Variants in COL5A1 observed in about 807,000 individuals in gnomAD.
COL5A1 encodes collagen alpha-1(V) chain.
COL5A1 carries 16 observed loss-of-function variants against 263.7 expected under a neutral mutation model. The observed-to-expected ratio is 0.06, with a 90% CI of 0.04 to 0.09. The LOEUF (loss-of-function observed/expected upper bound fraction) is 0.09, where lower values mean the gene tolerates loss of function less well. COL5A1 is among the 10% of genes least tolerant of loss of function. COL5A1 has a pLI of 1.00. For missense variants in COL5A1, 2,036 were observed against 2,540.5 expected (o/e 0.80, Z 4.27); for synonymous variants, 1,012 against 1,004.5 (o/e 1.01, Z -0.14).
chr9:134,753,759 T>G, intron 14 of COL5A1, 91 bp from the exon 15 acceptor site: 17 of 540,644 alleles, frequency 3.1e-5, no homozygotes, highest in East Asian at 9.0e-5. Context: ...CCCTGTCCCC[T>G]CCCCCTGCCC....
chr9:134,789,813 C>T lies in COL5A1; in HGVS notation c.2700+605C>T, dbSNP rs1837605985. On this transcript the variant is annotated intron_variant, in intron 32 of 65. Coordinates refer to ENST00000371817, the MANE Select transcript of COL5A1 (RefSeq NM_000093.5). This position sits in a 1 kb window ranked among gnomAD's most constrained non-coding sequence, Gnocchi z 4.8. ...GCCCCCGCTGGCCCAGGCCTCCCTG[C>T]AGGAGCGGTCCTGGATGCTTGTTAG... 6.6e-6 allele frequency among the ~76,000 whole-genome samples: 1 copy of T among 152,208 alleles called. No homozygotes were observed. Among genetic ancestry groups the T allele is most frequent in the Non-Finnish European group, 1.5e-5 (1 of 68,046 alleles).
At chr9:134,812,782 GTGTGTC>G (rs1440069249) in intron 48 of COL5A1, 70 bp downstream of exon 48, 7 of 1,059,904 alleles carry the variant, frequency 6.6e-6, no homozygotes, top group African/African-American at 4.7e-5. Flanking sequence ...GTCTGTGTGT[GTGTGTC>G]TGTGTGTATG....
At chr9:134,790,525 T>C (rs111595272) in intron 32 of COL5A1, among the ~76,000 whole-genome samples, 1 of 74,620 alleles carries the variant, frequency 1.3e-5, no homozygotes, top group Non-Finnish European at 2.5e-5. Context: ...CATTCATCCA[T>C]CCATCCACCC....
At chr9:134,687,733 G>A (rs560385056) in intron 1 of COL5A1, among the ~76,000 whole-genome samples, 3 of 152,190 alleles carry the variant, frequency 2.0e-5, no homozygotes, top group African/African-American at 7.2e-5. Flanking sequence ...TGGGCTGCTC[G>A]GTGGGTCCTC....
At chr9:134,695,970 C>T (rs748977001) in intron 2 of COL5A1, among the ~76,000 whole-genome samples, 1 of 152,114 alleles carries the variant, frequency 6.6e-6, no homozygotes, top group Non-Finnish European at 1.5e-5. Flanking sequence ...TGCCTCGGTG[C>T]CCCTGGATCC....
intron 2 of COL5A1, among the ~76,000 whole-genome samples, chr9:134,693,211 T>G (rs1160935077): frequency 1.3e-5 from 2 of 152,206 alleles, no homozygotes; most frequent in African/African-American, 2.4e-5. Flanking sequence ...CATGTCTGTT[T>G]CCGGCTTTTA....
At chr9:134,649,242 G>A (rs1438365661) in intron 1 of COL5A1, 2 of 322,258 alleles carry the variant, frequency 6.2e-6, no homozygotes, top group African/African-American at 4.4e-5. Context: ...ATGTCAGATA[G>A]TCCGAGCCGT....
chr9:134,822,721 C>G lies in COL5A1; in HGVS notation c.4609-277C>G, dbSNP rs1564484861. On this transcript the variant is annotated intron_variant, in intron 59 of 65. Transcript: ENST00000371817. ...CCAGGACATGCTCTTTTCCGCTGCG[C>G]CCCCCCCGCGGCTGTCTGAGCTGGG... 2.3e-5 allele frequency among the ~76,000 whole-genome samples: 3 copies of G among 132,290 alleles called. No homozygotes were observed. In the South Asian group the frequency reaches 6.7e-4, roughly 30 times the overall value. 86.8% of individuals were successfully genotyped at this position (132,290 alleles called of 152,430 possible).
intron 34 of COL5A1, 61 bp downstream of exon 34, chr9:134,795,376 C>G: frequency 6.9e-7 from 1 of 1,455,502 alleles, no homozygotes; most frequent in Non-Finnish European, 9.6e-7. Context: ...GCTACAGAGA[C>G]GTGGAGCGTC....
In COL5A1 at chr9:134,801,896, A is replaced by G. The variant is rs1380334772; in HGVS notation, c.2953-58A>G. 4 of 1,509,888 alleles carry G rather than the reference A, an allele frequency of 2.6e-6. No homozygotes were observed. The South Asian group carries it at 4.5e-5, about 17-fold the overall frequency. The allele number at this position is 1,509,888 out of a possible 1,614,324, so 93.5% of individuals were successfully genotyped here. A position where few individuals can be genotyped will look rare whatever the true frequency, so the allele number is the denominator to read the frequency against. Reference sequence around the variant, plus strand: ...GCAAGCGTCCTGCTGAGAACAGTGCAGGGCAGGGTGGCGCAGGCCACTGCA... The same window carrying G: ...GCAAGCGTCCTGCTGAGAACAGTGCGGGGCAGGGTGGCGCAGGCCACTGCA... On this transcript the variant is annotated intron_variant, in intron 37 of 65. Transcript: ENST00000371817.
Position 134,813,947 on chromosome 9 carries a change from TCACCGCTGCCATAACCA to T in COL5A1, c.3853-33_3853-17del. ...CGTAGCACTGCGTTCATCGCGGTGCTCACCGCTGCCATAACCACATGCACTGTCTCCCTAGGGCGAGC... is the reference window on the plus strand; with the variant it reads ...CGTAGCACTGCGTTCATCGCGGTGCTCATGCACTGTCTCCCTAGGGCGAGC... On this transcript the variant is annotated intron_variant, in intron 48 of 65. Coordinates refer to ENST00000371817, the MANE Select transcript of COL5A1 (RefSeq NM_000093.5). 10 of 1,549,244 alleles carry T rather than the reference TCACCGCTGCCATAACCA, an allele frequency of 6.5e-6. No individual in the cohort carries two copies. The highest frequency in any genetic ancestry group is 7.9e-6 in the Non-Finnish European group (9 of 1,145,728).
rs1833453522 is a variant in COL5A1, at chr9:134,696,137, C to T, written c.278-3772C>T. On this transcript the variant is annotated intron_variant, in intron 2 of 65. Transcript: ENST00000371817. This position sits in a 1 kb window ranked among gnomAD's most constrained non-coding sequence, Gnocchi z 4.3. ...TTTCCTATCCTCTGACCTCTTTCTG[C>T]CACCCTGCCCCACTGCCCCCTGCAT... is the stretch of plus-strand genomic sequence containing the variant. Among the ~76,000 whole-genome samples the T allele has an allele frequency of 6.6e-6, 1 of 152,084 alleles. No homozygotes were observed.
chr9:134,773,310 G>A (rs529088163), intron 26 of COL5A1, among the ~76,000 whole-genome samples: 2 of 152,324 alleles, frequency 1.3e-5, no homozygotes, highest in South Asian at 4.1e-4. Context: ...GGCCTGCTGG[G>A]CTGCGAGGGT....
At chr9:134,664,426 A>G (rs1832298204) in intron 1 of COL5A1, among the ~76,000 whole-genome samples, 1 of 151,938 alleles carries the variant, frequency 6.6e-6, no homozygotes, top group Non-Finnish European at 1.5e-5. Context: ...GGTCACCGTA[A>G]GAAGAGAATC....
At chr9:134,782,262 A>G (rs1305948900) in intron 28 of COL5A1, among the ~76,000 whole-genome samples, 1 of 151,888 alleles carries the variant, frequency 6.6e-6, no homozygotes, top group Admixed American at 6.6e-5. Context: ...TTGCAGGGGC[A>G]TTTTCATCCA....
rs1490576208 is a variant in COL5A1, at chr9:134,809,230, G to A, written c.3414G>A (p.Gly1138=). The stretch of plus-strand genomic sequence containing the variant: ...CAGCTGGCCGAGACGGTCTCCAGGG[G>A]CCTGTGGGGCTCCCGGGTCCAGCTG... The part of the protein sequence containing the change: ...QGPAGRDGLQ[G]PVGLPGPAGP... Residue 1138 remains glycine, a synonymous_variant, in exon 43 of 66, where the codon GGG becomes GGA. Transcript: ENST00000371817. 5.0e-6 allele frequency: 8 copies of A among 1,606,306 alleles called. No homozygotes were observed. Among genetic ancestry groups the A allele is most frequent in the South Asian group, 2.2e-5 (2 of 89,408 alleles).
intron 2 of COL5A1, among the ~76,000 whole-genome samples, chr9:134,698,556 C>T (rs766458699): frequency 6.6e-6 from 1 of 152,198 alleles, no homozygotes; most frequent in Non-Finnish European, 1.5e-5. Flanking sequence ...GCATTCTCCT[C>T]CCCCTTGGAA....
chr9:134,834,157 C>T (rs1167698974), intron 64 of COL5A1, among the ~76,000 whole-genome samples: 1 of 152,136 alleles, frequency 6.6e-6, no homozygotes, highest in Non-Finnish European at 1.5e-5. Context: ...TCCTCTCACC[C>T]CCAGGGAACC....
Position 134,754,821 on chromosome 9 carries a change from G to A in COL5A1, c.1827+495G>A, listed in dbSNP as rs1047109229. On this transcript the variant is annotated intron_variant, in intron 16 of 65. Transcript: ENST00000371817. This position sits in a 1 kb window ranked among gnomAD's most constrained non-coding sequence, Gnocchi z 4.3. ...CCCTGGCTTCTAAAAGAGGACACAC[G>A]TTTCCCGAGTGCTGACCACCACCCA... Among the ~76,000 whole-genome samples the A allele has an allele frequency of 5.3e-5, 8 of 152,168 alleles. No individual in the cohort carries two copies. The highest frequency in any genetic ancestry group is 1.4e-4 in the African/African-American group (6 of 41,446).
Sources: gnomAD v4.1 joint callset for allele counts (sites outside exome capture counted in the v4.1 genomes callset) on GRCh38, gnomAD v4.1.1 for gene constraint, Gnocchi (gnomAD v3.1) non-coding constraint, MANE v1.5 for transcripts, NCBI Gene and HGNC (gene_info 2026-07-23, HGNC 2026-07-21) for gene names.